The following MEGF10 variants were observed in gnomAD, a reference collection of about 807,000 sequenced individuals.
The protein encoded by MEGF10 is multiple EGF like domains 10.
Under a neutral mutation model 147.5 loss-of-function variants are expected in MEGF10, and 86 were observed. That is an observed-to-expected ratio of 0.58 (90% CI 0.49 to 0.70). The LOEUF is 0.70. Among genes scored for constraint, MEGF10 ranks in the 30% least tolerant of loss-of-function variants. The probability of loss-of-function intolerance (pLI) is 0.00; values close to 1 mark genes in which losing one functional copy is unlikely to be tolerated. For missense variants in MEGF10, 1,329 were observed against 1,487.3 expected (o/e 0.89, Z 1.75); for synonymous variants, 478 against 525.5 (o/e 0.91, Z 1.24).
At chr5:127,290,091 C>T (rs1318808801), upstream of MEGF10, among the ~76,000 whole-genome samples, 1 of 152,180 alleles carries the variant, frequency 6.6e-6, no homozygotes, top group African/African-American at 2.4e-5. Context: ...CTCCCGGGGC[C>T]TCCTCGGCGA....
intron 1 of MEGF10, among the ~76,000 whole-genome samples, chr5:127,329,897 A>G (rs1761186718): frequency 6.6e-6 from 1 of 152,200 alleles, no homozygotes; most frequent in Non-Finnish European, 1.5e-5. Flanking sequence ...GGTGCAAACC[A>G]TTACAGGTGT....
intron 1 of MEGF10, among the ~76,000 whole-genome samples, chr5:127,319,205 A>T (rs543155990): frequency 7.2e-5 from 11 of 151,984 alleles, no homozygotes; most frequent in Admixed American, 2.0e-4. Flanking sequence ...CCTCCCAAAT[A>T]GCTGGGATTA....
At chr5:127,301,846 A>G (rs1426904700) in intron 1 of MEGF10, among the ~76,000 whole-genome samples, 1 of 152,234 alleles carries the variant, frequency 6.6e-6, no homozygotes, top group Non-Finnish European at 1.5e-5. Flanking sequence ...TAACACATCT[A>G]GGAATCAGGT....
intron 13 of MEGF10, among the ~76,000 whole-genome samples, chr5:127,432,130 ACACAATG>A (rs1765403002): frequency 6.6e-6 from 1 of 152,236 alleles, no homozygotes. Context: ...GTCAAGCTAG[ACACAATG>A]AGGTCTGCAT....
chr5:127,396,463 C>T, intron 5 of MEGF10, 69 bp from the exon 6 acceptor site: 1 of 1,479,332 alleles, frequency 6.8e-7, no homozygotes, highest in South Asian at 1.4e-5. Flanking sequence ...AAGCCATTCT[C>T]CCCGAGAGGC....
At chr5:127,435,239 C>A in intron 15 of MEGF10, 122 bp from the exon 16 acceptor site, 1 of 1,171,498 alleles carries the variant, frequency 8.5e-7, no homozygotes, top group Non-Finnish European at 1.2e-6. Flanking sequence ...TGCTGTTGAG[C>A]AGAGATAGCT....
intron 1 of MEGF10, among the ~76,000 whole-genome samples, chr5:127,300,520 A>C (rs1759721247): frequency 6.6e-6 from 1 of 152,206 alleles, no homozygotes. Flanking sequence ...CTGACATTAC[A>C]TTTAATCTAA....
Position 127,339,211 on chromosome 5 carries a change from A to G in MEGF10, c.208A>G (p.Thr70Ala). 6.2e-7 allele frequency: 1 copy of G among 1,610,644 alleles called. No homozygotes were observed. The highest frequency in any genetic ancestry group is 1.1e-5 in the South Asian group (1 of 90,930). Residue 70 changes from threonine (T) to alanine (A), a missense_variant, in exon 3 of 25, where the codon ACG (threonine) becomes GCG (alanine). Physicochemically the swap from Thr to Ala is moderately conservative, Grantham distance 58. Around this residue, in one of 3 missense-constraint regions of MEGF10, gnomAD observed 980 missense variants for 1,085.9 expected, o/e 0.90. Transcript: ENST00000503335. Reference protein sequence around the residue: ...CTDILNWFKCTRHRVSYRTAY... With the variant: ...CTDILNWFKCARHRVSYRTAY... ...TGACATTCTAAACTGGTTTAAATGC[A>G]CGCGGCACAGGTAATAGAAGCTCAG...
chr5:127,312,894 A>G (rs1023322027), intron 1 of MEGF10, among the ~76,000 whole-genome samples: 4 of 152,166 alleles, frequency 2.6e-5, no homozygotes, highest in African/African-American at 9.7e-5. Context: ...AATAAGATAA[A>G]TTATCTTGAA....
intron 4 of MEGF10, among the ~76,000 whole-genome samples, chr5:127,347,675 A>G (rs1015419937): frequency 3.9e-5 from 6 of 152,200 alleles, no homozygotes; most frequent in Admixed American, 6.5e-5. Flanking sequence ...GCACATGACC[A>G]ATGTATAGTT....
chr5:127,381,379 T>A (rs1300626148), intron 5 of MEGF10, among the ~76,000 whole-genome samples: 1 of 152,234 alleles, frequency 6.6e-6, no homozygotes, highest in Non-Finnish European at 1.5e-5. Context: ...AAATATTAGA[T>A]CATAAATCTT....
intron 1 of MEGF10, among the ~76,000 whole-genome samples, chr5:127,329,699 G>T (rs1761175336): frequency 6.6e-6 from 1 of 151,548 alleles, no homozygotes; most frequent in Admixed American, 6.6e-5. Flanking sequence ...AAATAATCTG[G>T]CTCATTATTA....
intron 1 of MEGF10, among the ~76,000 whole-genome samples, chr5:127,324,816 C>T (rs957849667): frequency 1.3e-5 from 2 of 152,300 alleles, no homozygotes; most frequent in South Asian, 2.1e-4. Flanking sequence ...TCCTTTCTAG[C>T]GTTACTTCTC....
At chr5:127,451,655 G>A (rs537822920) in intron 22 of MEGF10, among the ~76,000 whole-genome samples, 9 of 152,262 alleles carry the variant, frequency 5.9e-5, no homozygotes, top group East Asian at 3.9e-4. Context: ...CAGAAGATAC[G>A]GCATCACTGT....
At chr5:127,379,039 C>T (rs1763145871) in intron 5 of MEGF10, among the ~76,000 whole-genome samples, 1 of 150,634 alleles carries the variant, frequency 6.6e-6, no homozygotes, top group Non-Finnish European at 1.5e-5. Context: ...TGTTTAACTC[C>T]ACTTCATATC....
At position 127,318,997 on chromosome 5, in the gene MEGF10, C is replaced by G. The variant is rs112326273; in HGVS notation, c.-18-12294C>G. ...ACCAATTCTAAATCTTGTTCCAAAC[C>G]CTTTTCTTTCCTTCTCTCTTTCATT... On this transcript the variant is annotated intron_variant, in intron 1 of 24. Transcript: ENST00000503335. Among the ~76,000 whole-genome samples the G allele has an allele frequency of 5.0e-3, 754 of 151,920 alleles. 1 individual carries two copies. The highest frequency in any genetic ancestry group is 0.017 in the African/African-American group (717 of 41,440).
At chr5:127,279,391 A>G in the MEGF10 span, among the ~76,000 whole-genome samples, 1 of 152,186 alleles carries the variant, frequency 6.6e-6, no homozygotes, top group South Asian at 2.1e-4. Flanking sequence ...TAGCTGAGGT[A>G]GGATGGAGAA....
chr5:127,353,242 C>T (rs995858778), intron 4 of MEGF10, among the ~76,000 whole-genome samples: 12 of 152,338 alleles, frequency 7.9e-5, no homozygotes, highest in Non-Finnish European at 1.3e-4. Flanking sequence ...CATTCAGGCA[C>T]ATGCTGGAAT....
chr5:127,325,855 G>GTA (rs34408406), intron 1 of MEGF10, among the ~76,000 whole-genome samples: 3,659 of 126,938 alleles, frequency 0.029, 178 homozygotes, highest in African/African-American at 0.093. Context: ...ATATATGTGT[G>GTA]TATATATATA....
Sources: allele counts gnomAD v4.1 joint callset (sites outside exome capture counted in the v4.1 genomes callset), GRCh38; gene constraint gnomAD v4.1.1; regional missense constraint gnomAD v4.1.1; transcripts MANE v1.5; gene names NCBI Gene and HGNC (gene_info 2026-07-23, HGNC 2026-07-21).